Variants in MARCHF10 observed in about 807,000 individuals in gnomAD.
MARCHF10 encodes probable E3 ubiquitin-protein ligase MARCHF10.
A neutral mutation model predicts 76.2 loss-of-function variants in MARCHF10; 64 were observed. That is an observed-to-expected ratio of 0.84 (90% confidence interval 0.69 to 1.03). The LOEUF (loss-of-function observed/expected upper bound fraction) is 1.03, where lower values mean the gene tolerates loss of function less well. Ranked by LOEUF, MARCHF10 falls within the 50% of genes least tolerant of loss-of-function variation. The probability of loss-of-function intolerance (pLI) is 0.00; values close to 1 mark genes in which losing one functional copy is unlikely to be tolerated. For missense variants in MARCHF10, 875 were observed against 958.0 expected (o/e 0.91, Z 1.14); for synonymous variants, 340 against 357.5 (o/e 0.95, Z 0.55).
At chr17:62,743,462 GTGAAACCCT>G (rs1350234376) in intron 5 of MARCHF10, among the ~76,000 whole-genome samples, 2 of 152,244 alleles carry the variant, frequency 1.3e-5, no homozygotes, top group Admixed American at 1.3e-4. Flanking sequence ...GGCCAACATG[GTGAAACCCT>G]GTCTCTACCA....
At chr17:62,768,428 G>A (rs2092381128) in intron 3 of MARCHF10, among the ~76,000 whole-genome samples, 5 of 152,302 alleles carry the variant, frequency 3.3e-5, no homozygotes, top group Admixed American at 3.3e-4. Context: ...GCTGAGGCAG[G>A]AGAATCGCTT....
At chr17:62,770,743 G>A (rs1348355985) in intron 3 of MARCHF10, among the ~76,000 whole-genome samples, 1 of 151,136 alleles carries the variant, frequency 6.6e-6, no homozygotes, top group Non-Finnish European at 1.5e-5. Flanking sequence ...GTTTCACTAT[G>A]TTGGTCAGGC....
Position 62,711,174 on chromosome 17 carries a change from G to T in MARCHF10, c.2328+57C>A. The T allele has an allele frequency of 1.4e-6, 2 of 1,410,280 alleles. No homozygotes were observed. The highest frequency in any genetic ancestry group is 2.0e-6 in the Non-Finnish European group (2 of 996,086). The allele number at this position is 1,410,280 out of a possible 1,614,324, so 87.4% of individuals were successfully genotyped here. Reference sequence around the variant, plus strand: ...CAACAGCTTGCACATCTAATAAACAGCACTGCAGGGTTTTCAGGGCTGCCA... The same window carrying T: ...CAACAGCTTGCACATCTAATAAACATCACTGCAGGGTTTTCAGGGCTGCCA... On this transcript the variant is annotated intron_variant, in intron 9 of 10. Coordinates refer to ENST00000311269, the MANE Select transcript of MARCHF10 (RefSeq NM_152598.4). This position sits in a 1 kb window ranked among gnomAD's most constrained non-coding sequence, Gnocchi z 4.4.
intron 4 of MARCHF10, among the ~76,000 whole-genome samples, chr17:62,750,701 T>C (rs2091869964): frequency 6.6e-6 from 1 of 152,220 alleles, no homozygotes; most frequent in Non-Finnish European, 1.5e-5. Context: ...TCAGCGTCAC[T>C]GCGGAGTTAA....
chr17:62,723,176 C>T (rs934958942), intron 7 of MARCHF10, among the ~76,000 whole-genome samples: 11 of 150,782 alleles, frequency 7.3e-5, no homozygotes, highest in East Asian at 5.8e-4. Flanking sequence ...TCAGACTCAT[C>T]GGGGAAAAGG....
intron 2 of MARCHF10, among the ~76,000 whole-genome samples, chr17:62,798,173 G>C (rs2093015828): frequency 6.6e-6 from 1 of 152,106 alleles, no homozygotes; most frequent in African/African-American, 2.4e-5. Flanking sequence ...AGGATGAGAT[G>C]AGTCACAGTG....
chr17:62,756,373 GAGTT>G (rs2092043512), intron 4 of MARCHF10, among the ~76,000 whole-genome samples: 1 of 152,162 alleles, frequency 6.6e-6, no homozygotes, highest in Non-Finnish European at 1.5e-5. Context: ...TTGAGCCCAG[GAGTT>G]TGAGGTTGCA....
intron 2 of MARCHF10, among the ~76,000 whole-genome samples, chr17:62,798,870 G>A (rs2093029008): frequency 6.6e-6 from 1 of 152,174 alleles, no homozygotes; most frequent in Non-Finnish European, 1.5e-5. Flanking sequence ...GAGAGCAGAG[G>A]GCCTCAAATC....
At chr17:62,748,098 G>A (rs186320159) in intron 4 of MARCHF10, among the ~76,000 whole-genome samples, 32 of 152,246 alleles carry the variant, frequency 2.1e-4, no homozygotes, top group Admixed American at 2.1e-3. Flanking sequence ...GTGTGTACAT[G>A]GGTTTAAGAG....
Position 62,701,616 on chromosome 17 carries a change from A to G in MARCHF10, c.*87T>C. 6.2e-7 allele frequency: 1 copy of G among 1,608,086 alleles called. No individual in the cohort carries two copies. The highest frequency in any genetic ancestry group is 1.3e-5 in the African/African-American group (1 of 74,962). On this transcript the variant is annotated 3_prime_UTR_variant, in exon 11 of 11. Coordinates refer to ENST00000311269, the MANE Select transcript of MARCHF10 (RefSeq NM_152598.4). ...AACGCTTTGGTTTCAGTTTCAGTAAAGAGGAGGAGGGAGGGAGGCACTTGG... is the reference window on the plus strand; with the variant it reads ...AACGCTTTGGTTTCAGTTTCAGTAAGGAGGAGGAGGGAGGGAGGCACTTGG...
At chr17:62,716,511 G>A (rs1323610522) in intron 8 of MARCHF10, among the ~76,000 whole-genome samples, 2 of 151,988 alleles carry the variant, frequency 1.3e-5, no homozygotes, top group African/African-American at 4.8e-5. Context: ...TGAGGCAGGA[G>A]GATCCCTTGA....
chr17:62,777,719 AAAAAAAAAG>A (rs1175240489), intron 3 of MARCHF10, among the ~76,000 whole-genome samples: 1 of 149,676 alleles, frequency 6.7e-6, no homozygotes, highest in African/African-American at 2.4e-5. Context: ...ATCTCAAAAA[AAAAAAAAAG>A]AAAAAAAAAA....
intron 3 of MARCHF10, among the ~76,000 whole-genome samples, chr17:62,771,766 G>A (rs71375876): frequency 0.5 from 75,328 of 151,484 alleles, 20,245 homozygotes; most frequent in East Asian, 0.7. Flanking sequence ...TATTAGAGAC[G>A]GAGTTTTGCT....
At chr17:62,771,403 G>T (rs1273858578) in intron 3 of MARCHF10, among the ~76,000 whole-genome samples, 1 of 151,830 alleles carries the variant, frequency 6.6e-6, no homozygotes, top group Non-Finnish European at 1.5e-5. Flanking sequence ...TCAGGAGGTG[G>T]CCGGGTACTT....
At position 62,736,722 on chromosome 17, in the gene MARCHF10, C is replaced by T; in HGVS notation, c.1146G>A (p.Arg382=). Residue 382 remains arginine, a synonymous_variant, in exon 6 of 11, where the codon AGG becomes AGA. Transcript: ENST00000311269. ...RLSQDPGLPD[R]ESATEKDRGG... is the part of the protein sequence containing the mutation. Reference sequence around the variant, plus strand: ...CTCTGTCCTTCTCTGTAGCAGATTCCCTATCAGGCAGCCCGGGGTCTTGGG... The same window carrying T: ...CTCTGTCCTTCTCTGTAGCAGATTCTCTATCAGGCAGCCCGGGGTCTTGGG... The T allele has an allele frequency of 6.2e-7, 1 of 1,614,158 alleles. No individual in the cohort carries two copies. Among genetic ancestry groups the T allele is most frequent in the Non-Finnish European group, 8.5e-7 (1 of 1,180,028 alleles).
At chr17:62,771,149 GT>G (rs1156459607) in intron 3 of MARCHF10, among the ~76,000 whole-genome samples, 1 of 152,106 alleles carries the variant, frequency 6.6e-6, no homozygotes, top group Non-Finnish European at 1.5e-5. Context: ...TGTAGATCAT[GT>G]AATCTAATAA....
chr17:62,788,792 G>A (rs940071277), intron 2 of MARCHF10, among the ~76,000 whole-genome samples, 193 bp from the exon 3 acceptor site: 2 of 151,778 alleles, frequency 1.3e-5, no homozygotes, highest in African/African-American at 4.8e-5. Flanking sequence ...GGCCGGGCGC[G>A]GTGGCTCACG....
At chr17:62,715,534 G>A (rs930329742) in intron 8 of MARCHF10, among the ~76,000 whole-genome samples, 1 of 152,202 alleles carries the variant, frequency 6.6e-6, no homozygotes, top group Non-Finnish European at 1.5e-5. Context: ...AAAACCGAGT[G>A]CCCAACCAGC....
chr17:62,777,050 G>A (rs561086883), intron 3 of MARCHF10, among the ~76,000 whole-genome samples: 41 of 152,196 alleles, frequency 2.7e-4, no homozygotes, highest in South Asian at 1.9e-3. Flanking sequence ...CCATTCTCCC[G>A]TCAATCATTT....
Sources: gnomAD v4.1 joint callset for allele counts (sites outside exome capture counted in the v4.1 genomes callset) on GRCh38, gnomAD v4.1.1 for gene constraint, Gnocchi (gnomAD v3.1) non-coding constraint, MANE v1.5 for transcripts, NCBI Gene and HGNC (gene_info 2026-07-23, HGNC 2026-07-21) for gene names.